The following DMD variants were observed in gnomAD, a reference collection of about 807,000 sequenced individuals.
DMD encodes mutant dystrophin.
In DMD, 63 loss-of-function variants were observed where a neutral mutation model predicts 330.1. The ratio of observed to expected loss-of-function variants is 0.19; its 90% CI spans 0.16 to 0.24. DMD has a LOEUF of 0.24. Among genes scored for constraint, DMD ranks in the 10% least tolerant of loss-of-function variants. The pLI, the probability that DMD is intolerant of heterozygous loss-of-function variation, is 1.00. For synonymous variants in DMD, 1,223 were observed against 959.8 expected (o/e 1.27, Z -5.07); for missense variants, 3,344 against 2,684.1 (o/e 1.25, Z -5.43).
chrX:31,453,118 G>A (rs1017293772), intron 59 of DMD, among the ~76,000 whole-genome samples: 19 of 111,510 alleles, frequency 1.7e-4, no homozygotes, highest in Non-Finnish European at 3.2e-4. Context: ...GTTTCCAGGG[G>A]CTGGGGGCAG....
At chrX:32,416,178 G>GA (rs745897398) in intron 29 of DMD, among the ~76,000 whole-genome samples, 6 of 111,187 alleles carry the variant, frequency 5.4e-5, no homozygotes, top group East Asian at 2.8e-4. Context: ...AGCCAAATTA[G>GA]AAAAAAAATC....
chrX:31,751,776 G>C (rs1285951585), intron 51 of DMD, among the ~76,000 whole-genome samples: 1 of 112,123 alleles, frequency 8.9e-6, no homozygotes, highest in Non-Finnish European at 1.9e-5. Flanking sequence ...GGCTGTATTA[G>C]CTGCCTGTGG....
At chrX:31,642,308 A>C (rs192600451) in intron 54 of DMD, among the ~76,000 whole-genome samples, 1 of 112,114 alleles carries the variant, frequency 8.9e-6, no homozygotes, top group Non-Finnish European at 1.9e-5. Flanking sequence ...GTGTTTTTCC[A>C]AATTCTAGCT....
chrX:32,880,208 T>C (rs1394884315), intron 2 of DMD, among the ~76,000 whole-genome samples: 2 of 107,793 alleles, frequency 1.9e-5, no homozygotes, highest in Non-Finnish European at 1.9e-5. Context: ...CTGAACTCAA[T>C]TGGTTTGTGA....
intron 19 of DMD, among the ~76,000 whole-genome samples, chrX:32,492,199 G>A (rs1013635245): frequency 3.6e-5 from 4 of 111,168 alleles, no homozygotes; most frequent in East Asian, 2.8e-4. Flanking sequence ...TTAGCCGGGC[G>A]TGGTGGCGGG....
intron 48 of DMD, among the ~76,000 whole-genome samples, chrX:31,873,305 A>C (rs975116949): frequency 1.8e-5 from 2 of 111,711 alleles, no homozygotes; most frequent in Non-Finnish European, 3.8e-5. Context: ...CATAAGTGTC[A>C]GGAGGAAGTA....
intron 63 of DMD, among the ~76,000 whole-genome samples, chrX:31,227,131 C>A (rs902723055): frequency 9.0e-6 from 1 of 111,090 alleles, no homozygotes; most frequent in Admixed American, 9.6e-5. Flanking sequence ...GACGATTCCT[C>A]TCTTATGACC....
chrX:31,619,889 A>G (rs2078430090), intron 55 of DMD, among the ~76,000 whole-genome samples: 1 of 111,999 alleles, frequency 8.9e-6, no homozygotes. Flanking sequence ...AAAATCAAAT[A>G]GCTAAACTCA....
chrX:32,249,262 C>T (rs1417606786), intron 43 of DMD, among the ~76,000 whole-genome samples: 1 of 111,840 alleles, frequency 8.9e-6, no homozygotes, highest in Non-Finnish European at 1.9e-5. Flanking sequence ...GTCAGAACTG[C>T]CCAACTGAAT....
At chrX:33,235,747 C>T (rs889764897) in intron 1 of DMD, among the ~76,000 whole-genome samples, 6 of 109,561 alleles carry the variant, frequency 5.5e-5, no homozygotes, top group Non-Finnish European at 1.1e-4. Context: ...GATCCAAGAG[C>T]CTGTACCCTT....
intron 44 of DMD, among the ~76,000 whole-genome samples, chrX:32,001,443 A>C (rs1353727545): frequency 9.1e-6 from 1 of 110,220 alleles, no homozygotes; most frequent in East Asian, 2.9e-4. Flanking sequence ...ATGTCAAGCA[A>C]CTTAGGGGCA....
chrX:32,228,916 A>T (rs2097157614), intron 43 of DMD, among the ~76,000 whole-genome samples: 1 of 111,959 alleles, frequency 8.9e-6, no homozygotes, highest in Non-Finnish European at 1.9e-5. Flanking sequence ...AAAACTTCAG[A>T]TTAAGTACAT....
intron 47 of DMD, among the ~76,000 whole-genome samples, chrX:31,917,895 C>T (rs972460459): frequency 8.9e-6 from 1 of 111,827 alleles, no homozygotes; most frequent in Non-Finnish European, 1.9e-5. Context: ...CACACCAATT[C>T]CCCTAACGTG....
chrX:33,171,033 G>C (rs889210986), intron 1 of DMD, among the ~76,000 whole-genome samples: 9 of 111,747 alleles, frequency 8.1e-5, no homozygotes, highest in African/African-American at 2.9e-4. Context: ...TGATCTATGT[G>C]TCAATCCTTC....
chrX:31,239,808 T>C (rs2048072941), intron 63 of DMD, among the ~76,000 whole-genome samples: 1 of 111,803 alleles, frequency 8.9e-6, no homozygotes, highest in Non-Finnish European at 1.9e-5. Context: ...AGTCATAGTG[T>C]TGTGAAGCAG....
intron 2 of DMD, among the ~76,000 whole-genome samples, chrX:33,003,140 A>G (rs2093324892): frequency 9.1e-6 from 1 of 110,276 alleles, no homozygotes; most frequent in East Asian, 2.8e-4. Flanking sequence ...TCTCTCACCC[A>G]TCTCCTACCC....
intron 1 of DMD, among the ~76,000 whole-genome samples, chrX:33,248,190 C>T (rs907780758): frequency 2.4e-4 from 26 of 110,059 alleles, no homozygotes; most frequent in African/African-American, 7.9e-4. Flanking sequence ...TACAGGCACC[C>T]GCCACCACGC....
At chrX:33,156,537 G>A (rs190198805) in intron 1 of DMD, among the ~76,000 whole-genome samples, 55 of 112,003 alleles carry the variant, frequency 4.9e-4, no homozygotes, top group African/African-American at 1.7e-3. Flanking sequence ...CTTCACCATG[G>A]CAGGAAGATT....
At chrX:32,482,160 T>G (rs1360773075) in intron 21 of DMD, among the ~76,000 whole-genome samples, 2 of 111,955 alleles carry the variant, frequency 1.8e-5, no homozygotes, top group Admixed American at 9.5e-5. Flanking sequence ...CATTAAGAAA[T>G]AAGGTTTCAT....
Sources: allele counts gnomAD v4.1 joint callset (sites outside exome capture counted in the v4.1 genomes callset), GRCh38; gene constraint gnomAD v4.1.1; transcripts MANE v1.5; gene names NCBI Gene and HGNC (gene_info 2026-07-23, HGNC 2026-07-21).